Variants in RABGGTB observed in about 807,000 individuals in gnomAD.
RABGGTB encodes geranylgeranyl transferase type-2 subunit beta.
A neutral mutation model predicts 44.5 loss-of-function variants in RABGGTB; 20 were observed. The ratio of observed to expected loss-of-function variants is 0.45; its 90% CI spans 0.32 to 0.65. The LOEUF (loss-of-function observed/expected upper bound fraction) is 0.65. RABGGTB is among the 30% of genes least tolerant of loss of function. The probability of loss-of-function intolerance (pLI) is 0.05; values close to 1 mark genes in which losing one functional copy is unlikely to be tolerated. For synonymous variants in RABGGTB, 128 were observed against 136.7 expected, an observed-to-expected ratio of 0.94 and a Z score of 0.44; for missense variants, 302 against 398.7, an observed-to-expected ratio of 0.76 and a Z score of 2.06.
At chr1:75,790,111 G>C in intron 4 of RABGGTB, 54 bp downstream of exon 4, 1 of 1,601,132 alleles carries the variant, frequency 6.2e-7, no homozygotes, top group Non-Finnish European at 8.5e-7. Context: ...AAATGTACTG[G>C]TTTTGCTAGT....
Position 75,794,672 on chromosome 1 carries a change from A to G in RABGGTB, c.*22A>G, listed in dbSNP as rs375522669. The G allele has an allele frequency of 2.6e-6, 4 of 1,567,248 alleles. No homozygotes were observed. In the South Asian group the frequency reaches 3.7e-5, roughly 14 times the overall value. ...CTAGATTCATTGAATTGAAAGTTGCATAGTATAGTTTTGCCATTTTAACAT... is the reference window on the plus strand; with the variant it reads ...CTAGATTCATTGAATTGAAAGTTGCGTAGTATAGTTTTGCCATTTTAACAT... On this transcript the variant is annotated 3_prime_UTR_variant, in exon 9 of 9. Transcript: ENST00000319942.
At chr1:75,789,712 G>C in intron 3 of RABGGTB, 1 of 567,858 alleles carries the variant, frequency 1.8e-6, no homozygotes, top group South Asian at 2.2e-5. Context: ...ATGTGAGTTA[G>C]TATACTTGAG....
Position 75,794,586 on chromosome 1 carries a change from C to T in RABGGTB, c.932C>T (p.Pro311Leu). 1 of 1,613,104 alleles carries T rather than the reference C, an allele frequency of 6.2e-7. No homozygotes were observed. Among genetic ancestry groups the T allele is most frequent in the Non-Finnish European group, 8.5e-7 (1 of 1,179,488 alleles). Residue 311 changes from proline (P) to leucine (L), a missense_variant, in exon 9 of 9, where the codon CCT (proline) becomes CTT (leucine). By Grantham distance (98) the Pro-to-Leu change is moderately conservative. Around this residue, in one of 2 missense-constraint regions of RABGGTB, gnomAD observed 213 missense variants for 323.7 expected, o/e 0.66. Transcript: ENST00000319942. ...LGEEQIKPVN[P>L]VFCMPEEVLQ... ...GAAGAACAGATTAAACCTGTTAATC[C>T]TGTCTTTTGCATGCCTGAAGAAGTG...
chr1:75,790,182 T>A, intron 4 of RABGGTB, 125 bp downstream of exon 4: 1 of 1,492,030 alleles, frequency 6.7e-7, no homozygotes, highest in South Asian at 1.4e-5. Flanking sequence ...TAACTGGAGT[T>A]AATGGTCTGC....
intron 5 of RABGGTB, 37 bp downstream of exon 5, chr1:75,791,374 C>G (rs368223301): frequency 2.3e-4 from 367 of 1,579,934 alleles, no homozygotes; most frequent in South Asian, 7.9e-4. Flanking sequence ...GATTAAAGTT[C>G]ATGAATACTC....
rs561085743 is a variant in RABGGTB, at chr1:75,790,124, C to A, written c.415+67C>A. The A allele has an allele frequency of 1.9e-6, 3 of 1,594,600 alleles. No homozygotes were observed. In the Admixed American group the frequency reaches 5.4e-5, roughly 29 times the overall value. ...TAAAATGTACTGGTTTTGCTAGTAACCAGTTTATAAGTTTTTCATCTTTTC... is the reference window on the plus strand; with the variant it reads ...TAAAATGTACTGGTTTTGCTAGTAAACAGTTTATAAGTTTTTCATCTTTTC... On this transcript the variant is annotated intron_variant, in intron 4 of 8. Coordinates refer to ENST00000319942, the MANE Select transcript of RABGGTB (RefSeq NM_004582.4).
chr1:75,787,696 C>A, intron 2 of RABGGTB, 92 bp downstream of exon 2: 2 of 1,008,230 alleles, frequency 2.0e-6, no homozygotes, highest in East Asian at 2.5e-5. Flanking sequence ...AAAATGGCAT[C>A]CAACTCCATG....
intron 7 of RABGGTB, 40 bp downstream of exon 7, chr1:75,792,346 T>C: frequency 6.3e-7 from 1 of 1,598,710 alleles, no homozygotes; most frequent in Non-Finnish European, 8.6e-7. Flanking sequence ...CTTTAGAACC[T>C]TGAGTGAATG....
chr1:75,787,782 A>T (rs1649536441), intron 2 of RABGGTB, 178 bp downstream of exon 2: 6 of 665,484 alleles, frequency 9.0e-6, no homozygotes, highest in Non-Finnish European at 1.3e-5. Flanking sequence ...TGGGCTTATT[A>T]GAATCTCAGT....
chr1:75,786,511 T>C (rs138012474), intron 1 of RABGGTB, among the ~76,000 whole-genome samples: 2,918 of 152,214 alleles, frequency 0.019, 40 homozygotes, highest in Non-Finnish European at 0.031. Context: ...TGTTAAGAGT[T>C]GAGCAGCCCG....
intron 3 of RABGGTB, 27 bp downstream of exon 3, chr1:75,789,383 T>C: frequency 1.3e-6 from 2 of 1,592,412 alleles, no homozygotes; most frequent in Non-Finnish European, 1.7e-6. Flanking sequence ...ATTGCAACGA[T>C]CTTGATAGTA....
intron 7 of RABGGTB, 152 bp downstream of exon 7, chr1:75,792,458 C>A: frequency 1.0e-6 from 1 of 1,004,624 alleles, no homozygotes; most frequent in Non-Finnish European, 1.4e-6. Flanking sequence ...TACTAAAAGA[C>A]TCCCCTTGAC....
intron 4 of RABGGTB, chr1:75,790,355 TAAA>T (rs67126568): frequency 1.2e-5 from 14 of 1,158,156 alleles, no homozygotes; most frequent in Admixed American, 8.6e-5. Context: ...GAAAAATATT[TAAA>T]AAAAAAAACT....
At chr1:75,792,338 T>A in intron 7 of RABGGTB, 32 bp downstream of exon 7, 1 of 1,603,542 alleles carries the variant, frequency 6.2e-7, no homozygotes, top group Non-Finnish European at 8.5e-7. Flanking sequence ...TCTGCTAGCT[T>A]TAGAACCTTG....
chr1:75,794,255 T>A, intron 8 of RABGGTB, 22 bp downstream of exon 8: 1 of 1,577,590 alleles, frequency 6.3e-7, no homozygotes, highest in African/African-American at 1.4e-5. Flanking sequence ...TTCTGACATA[T>A]TTCTATAAAT....
At chr1:75,790,093 C>G in intron 4 of RABGGTB, 36 bp downstream of exon 4, 3 of 1,606,892 alleles carry the variant, frequency 1.9e-6, no homozygotes, top group Non-Finnish European at 2.5e-6. Context: ...CCCAAAATAC[C>G]AATATTAAAA....
In RABGGTB at chr1:75,789,147, GTAT is replaced by G. The variant is rs764717220; in HGVS notation, c.112-7_112-5del. ...TCAAATGACAGATTTAAGAAATTGT[GTAT>G]TATTTTAGGAATACTGTATGTCTGA... On this transcript the variant is annotated splice_polypyrimidine_tract_variant and intron_variant, in intron 2 of 8. Coordinates refer to ENST00000319942, the MANE Select transcript of RABGGTB (RefSeq NM_004582.4). The G allele has an allele frequency of 2.7e-5, 44 of 1,609,186 alleles. No homozygotes were observed. In the African/African-American group the frequency reaches 3.6e-4, roughly 13 times the overall value.
Position 75,794,122 on chromosome 1 carries a change from C to G in RABGGTB, c.744C>G (p.Ser248=), listed in dbSNP as rs776017566. 5.6e-6 allele frequency: 9 copies of G among 1,613,228 alleles called. No homozygotes were observed. In the Middle Eastern group the frequency reaches 6.6e-4, roughly 118 times the overall value. ...DVCYSWWVLA[S]LKIIGRLHWI... The stretch of plus-strand genomic sequence containing the variant: ...GCTACTCATGGTGGGTCCTGGCTTC[C>G]CTAAAGATAATTGGAAGACTTCATT... The change falls in exon 8 of 9, where the codon TCC becomes TCG. Residue 248 remains serine (S), a synonymous_variant. Coordinates refer to ENST00000319942, the MANE Select transcript of RABGGTB (RefSeq NM_004582.4).
chr1:75,789,338 C>T lies in RABGGTB; in HGVS notation c.291C>T (p.Tyr97=), dbSNP rs910032243. 15 of 1,613,814 alleles carry T rather than the reference C, an allele frequency of 9.3e-6. No individual in the cohort carries two copies. The Admixed American group carries it at 2.5e-4, about 27-fold the overall frequency. Residue 97 remains tyrosine (Y), a synonymous_variant, in exon 3 of 9, where the codon TAC becomes TAT. Transcript: ENST00000319942. Reference sequence around the variant, plus strand: ...TCGGACATGATCCTCATCTTTTATACACTCTTAGTGCTGTCCAGGTAAATA... The same window carrying T: ...TCGGACATGATCCTCATCTTTTATATACTCTTAGTGCTGTCCAGGTAAATA... ...ASIGHDPHLL[Y]TLSAVQILTL...
Sources: gnomAD v4.1 joint callset for allele counts (sites outside exome capture counted in the v4.1 genomes callset) on GRCh38, gnomAD v4.1.1 for gene constraint, gnomAD v4.1.1 regional missense constraint, MANE v1.5 for transcripts, NCBI Gene and HGNC (gene_info 2026-07-23, HGNC 2026-07-21) for gene names.